PID1: variants seen among roughly 807,000 people sequenced by gnomAD.
PID1 encodes phosphotyrosine interaction domain containing 1, also known as PTB-containing, cubilin and LRP1-interacting protein.
In PID1, 10 loss-of-function variants were observed where a neutral mutation model predicts 19.1. That is an observed-to-expected ratio of 0.52 (90% CI 0.32 to 0.89). PID1 has a LOEUF of 0.89. PID1 is among the 40% of genes least tolerant of loss of function. The probability of loss-of-function intolerance (pLI) is 0.03; values close to 1 mark genes in which losing one functional copy is unlikely to be tolerated. For synonymous variants in PID1, 130 were observed against 116.0 expected, an observed-to-expected ratio of 1.12 and a Z score of -0.78; for missense variants, 248 against 285.3, an observed-to-expected ratio of 0.87 and a Z score of 0.94.
intron 2 of PID1, among the ~76,000 whole-genome samples, chr2:229,093,208 T>C (rs965266236): frequency 6.8e-6 from 1 of 148,144 alleles, no homozygotes; most frequent in African/African-American, 2.5e-5. Context: ...TCTCAGCCAC[T>C]CCACCTCCGG....
chr2:229,120,878 C>T (rs1249052728), intron 2 of PID1, among the ~76,000 whole-genome samples: 1 of 151,920 alleles, frequency 6.6e-6, no homozygotes, highest in Non-Finnish European at 1.5e-5. Context: ...CAGGTTGGTT[C>T]CCAGGAGAGG....
intron 1 of PID1, among the ~76,000 whole-genome samples, chr2:229,243,504 C>A (rs906302586): frequency 6.6e-6 from 1 of 152,098 alleles, no homozygotes; most frequent in Non-Finnish European, 1.5e-5. Context: ...CTCAAGACTG[C>A]GCACTCCCAG....
intron 2 of PID1, among the ~76,000 whole-genome samples, chr2:229,080,768 T>C (rs1559224298): frequency 6.6e-6 from 1 of 152,204 alleles, no homozygotes; most frequent in Non-Finnish European, 1.5e-5. Context: ...TGCAGTCACA[T>C]ATGTTTAAAA....
chr2:229,061,291 A>C (rs1034247967), intron 2 of PID1, among the ~76,000 whole-genome samples: 4 of 152,002 alleles, frequency 2.6e-5, no homozygotes, highest in Non-Finnish European at 4.4e-5. Flanking sequence ...ATATGATGTG[A>C]GATAAGGGTC....
chr2:229,140,473 G>C (rs754073717), intron 2 of PID1, among the ~76,000 whole-genome samples: 1 of 140,356 alleles, frequency 7.1e-6, no homozygotes, highest in Admixed American at 7.1e-5. Flanking sequence ...CAGATTTAAG[G>C]TAATTAAAAG....
intron 2 of PID1, among the ~76,000 whole-genome samples, chr2:229,138,633 A>G (rs1033481604): frequency 1.3e-5 from 2 of 152,062 alleles, no homozygotes; most frequent in Non-Finnish European, 2.9e-5. Context: ...TCCAGTGTTC[A>G]TTCCCTCACT....
At chr2:229,231,100 C>G (rs537463986) in intron 1 of PID1, among the ~76,000 whole-genome samples, 9 of 152,114 alleles carry the variant, frequency 5.9e-5, no homozygotes, top group African/African-American at 2.2e-4. Context: ...GAAGCCTAAC[C>G]GCCCAGGGCC....
At chr2:229,174,322 C>G (rs1233658153) in intron 1 of PID1, among the ~76,000 whole-genome samples, 2 of 152,104 alleles carry the variant, frequency 1.3e-5, no homozygotes, top group Non-Finnish European at 2.9e-5. Flanking sequence ...TATGGACATT[C>G]CACGGGTAGA....
At chr2:229,235,340 G>C (rs1437476034) in intron 1 of PID1, among the ~76,000 whole-genome samples, 1 of 152,194 alleles carries the variant, frequency 6.6e-6, no homozygotes, top group Non-Finnish European at 1.5e-5. Context: ...CTGTGGTCCT[G>C]AAAGTTTGCA....
intron 2 of PID1, among the ~76,000 whole-genome samples, chr2:229,058,252 A>C (rs1264774975): frequency 6.6e-6 from 1 of 152,272 alleles, no homozygotes; most frequent in Non-Finnish European, 1.5e-5. Flanking sequence ...TTTTACTGAC[A>C]GCTTTCAGTA....
At chr2:229,218,091 T>C (rs1229876518) in intron 1 of PID1, among the ~76,000 whole-genome samples, 2 of 152,080 alleles carry the variant, frequency 1.3e-5, no homozygotes, top group East Asian at 3.9e-4. Context: ...TTACTTTCAT[T>C]AACCGGTTAT....
At position 229,230,590 on chromosome 2, in the gene PID1, A is replaced by G. The variant is rs545829452; in HGVS notation, c.30+40424T>C. Reference sequence around the variant, plus strand: ...CTATAGGATTTTCAACATTTGTTTCATAAGTGTGGACCCTAATGGGATTTA... The same window carrying G: ...CTATAGGATTTTCAACATTTGTTTCGTAAGTGTGGACCCTAATGGGATTTA... On this transcript the variant is annotated intron_variant, in intron 1 of 2. Transcript: ENST00000392055. Among the ~76,000 whole-genome samples, 18 of 152,340 alleles carry G rather than the reference A, an allele frequency of 1.2e-4. No individual in the cohort carries two copies. The South Asian group carries it at 3.3e-3, about 28-fold the overall frequency.
At chr2:229,066,985 C>T (rs1320315128) in intron 2 of PID1, among the ~76,000 whole-genome samples, 1 of 152,084 alleles carries the variant, frequency 6.6e-6, no homozygotes, top group Non-Finnish European at 1.5e-5. Flanking sequence ...TGAAAAAACA[C>T]CCGAGACTGG....
chr2:229,084,437 A>G (rs1392850408), intron 2 of PID1, among the ~76,000 whole-genome samples: 2 of 152,202 alleles, frequency 1.3e-5, no homozygotes, highest in Admixed American at 1.3e-4. Context: ...TGGTGTTGAC[A>G]GCTCTGTTTC....
In PID1 at chr2:229,025,635, G is replaced by C; in HGVS notation, c.651C>G (p.Gly217=). 1 of 1,605,740 alleles carries C rather than the reference G, an allele frequency of 6.2e-7. No individual in the cohort carries two copies. The change falls in exon 3 of 3, where the codon GGC becomes GGG. Residue 217 remains glycine, a synonymous_variant. Transcript: ENST00000392055. ...TGCTGAAGCGTCTCAAGTTCATTCA[G>C]CCATCATCGGATTCCAATTCCTGGG... ...EVSQELESDD[G] is the part of the protein sequence containing the mutation.
At chr2:229,057,832 T>C (rs1339292963) in intron 2 of PID1, among the ~76,000 whole-genome samples, 1 of 152,202 alleles carries the variant, frequency 6.6e-6, no homozygotes, top group African/African-American at 2.4e-5. Context: ...ATTGCAAAGA[T>C]AATGGACACA....
chr2:229,033,223 A>G (rs964578421), intron 2 of PID1, among the ~76,000 whole-genome samples: 4 of 152,146 alleles, frequency 2.6e-5, no homozygotes, highest in African/African-American at 7.2e-5. Context: ...CCAAACAAAG[A>G]TGGAAGATGG....
exon 1 of PID1, chr2:229,271,285 TGCGCAGCTCCGCCC>T (rs1690733552): frequency 3.9e-6 from 1 of 253,786 alleles, no homozygotes; most frequent in African/African-American, 2.3e-5. Flanking sequence ...GCGAGAGGAC[TGCGCAGCTCCGCCC>T]GGGCCCGGCG....
intron 2 of PID1, among the ~76,000 whole-genome samples, chr2:229,133,165 G>A (rs1689779957): frequency 6.6e-6 from 1 of 152,210 alleles, no homozygotes; most frequent in Non-Finnish European, 1.5e-5. Context: ...TCAGGAGCTG[G>A]ATGGTATGCA....
Sources: allele counts gnomAD v4.1 joint callset (sites outside exome capture counted in the v4.1 genomes callset), GRCh38; gene constraint gnomAD v4.1.1; transcripts MANE v1.5; gene names NCBI Gene and HGNC (gene_info 2026-07-23, HGNC 2026-07-21).